RAI1: variants seen among roughly 807,000 people sequenced by gnomAD.
RAI1 encodes retinoic acid-induced protein 1.
RAI1 carries 9 observed loss-of-function variants against 123.8 expected under a neutral mutation model. That is an observed-to-expected ratio of 0.07 (90% CI 0.04 to 0.13). The LOEUF (loss-of-function observed/expected upper bound fraction) is 0.13, where lower values mean the gene tolerates loss of function less well. Among genes scored for constraint, RAI1 ranks in the 10% least tolerant of loss-of-function variants. The pLI, the probability that RAI1 is intolerant of heterozygous loss-of-function variation, is 1.00. For missense variants in RAI1, 2,256 were observed against 2,545.8 expected, an observed-to-expected ratio of 0.89 and a Z score of 2.45; for synonymous variants, 1,231 against 1,127.3, an observed-to-expected ratio of 1.09 and a Z score of -1.84.
Position 17,799,803 on chromosome 17 carries a change from T to C in RAI1, c.5565+1290T>C, listed in dbSNP as rs2032392998. On this transcript the variant is annotated intron_variant, in intron 3 of 5. Coordinates refer to ENST00000353383, the MANE Select transcript of RAI1 (RefSeq NM_030665.4). This position sits in a 1 kb window ranked among gnomAD's most constrained non-coding sequence, Gnocchi z 4.5. ...CCAGCCTCCTCCCCCGTCGCTGCAC[T>C]GCCCACCTGCTCCTCGCAGTACACC... Among the ~76,000 whole-genome samples, 1 of 149,100 alleles carries C rather than the reference T, an allele frequency of 6.7e-6. No individual in the cohort carries two copies. Among genetic ancestry groups the C allele is most frequent in the Non-Finnish European group, 1.5e-5 (1 of 67,408 alleles).
rs141135074 is a variant in RAI1 at position 17,805,884 on chromosome 17, C to G, written c.5659+2035C>G. ...CTTCCACAGTGATTAACTTAGCGCC[C>G]GCTCCACTCCCAGCCCTGCTACAGA... On this transcript the variant is annotated intron_variant, in intron 4 of 5. Transcript: ENST00000353383. Among the ~76,000 whole-genome samples, 32 of 152,094 alleles carry G rather than the reference C, an allele frequency of 2.1e-4. No individual in the cohort carries two copies. In the East Asian group the frequency reaches 6.4e-3, roughly 31 times the overall value.
chr17:17,701,280 C>T (rs1213011810), intron 1 of RAI1, among the ~76,000 whole-genome samples: 1 of 152,168 alleles, frequency 6.6e-6, no homozygotes, highest in Non-Finnish European at 1.5e-5. Context: ...CTGGGGATGG[C>T]CCTGGGGTTG....
chr17:17,737,549 G>A (rs779995178), intron 2 of RAI1, among the ~76,000 whole-genome samples: 8 of 152,320 alleles, frequency 5.3e-5, no homozygotes, highest in Admixed American at 3.9e-4. Flanking sequence ...CACAGGGATA[G>A]GCAGTGACTG....
intron 2 of RAI1, among the ~76,000 whole-genome samples, chr17:17,739,277 G>A (rs571086444): frequency 6.6e-6 from 1 of 152,164 alleles, no homozygotes; most frequent in Admixed American, 6.5e-5. Context: ...TCTTGGTGGA[G>A]GTGTGGCTAT....
At chr17:17,696,225 T>G (rs1915026999) in intron 1 of RAI1, among the ~76,000 whole-genome samples, 1 of 152,226 alleles carries the variant, frequency 6.6e-6, no homozygotes, top group East Asian at 1.9e-4. Context: ...TTATGATACA[T>G]CTACGGAGTC....
chr17:17,717,867 G>C lies in RAI1; in HGVS notation c.-148-6161G>C, dbSNP rs115886943. On this transcript the variant is annotated intron_variant, in intron 1 of 5. Transcript: ENST00000353383. ...TCCTGGAGCCCATGTCCAGTGAAGG[G>C]TCCACAGCAGGGGTCAAGGGGGGCT... 4.8e-3 allele frequency among the ~76,000 whole-genome samples: 735 copies of C among 152,294 alleles called. 6 individuals are homozygous for C. The highest frequency in any genetic ancestry group is 0.017 in the African/African-American group (687 of 41,554).
At chr17:17,781,757 G>A (rs899981113) in intron 2 of RAI1, among the ~76,000 whole-genome samples, 6 of 152,230 alleles carry the variant, frequency 3.9e-5, no homozygotes, top group African/African-American at 1.4e-4. Flanking sequence ...CGGCCAGCCC[G>A]CTGCTGTTTA....
At chr17:17,707,049 C>T (rs1817872115) in intron 1 of RAI1, among the ~76,000 whole-genome samples, 1 of 152,220 alleles carries the variant, frequency 6.6e-6, no homozygotes, top group African/African-American at 2.4e-5. Flanking sequence ...GGGGCATGCT[C>T]CTTAGTCCTA....
At chr17:17,727,378 G>A (rs1180260266) in intron 2 of RAI1, among the ~76,000 whole-genome samples, 3 of 152,208 alleles carry the variant, frequency 2.0e-5, no homozygotes, top group African/African-American at 4.8e-5. Context: ...GTTGGTTTTC[G>A]CATCTGAAAA....
At chr17:17,758,187 G>A (rs886315929) in intron 2 of RAI1, among the ~76,000 whole-genome samples, 10 of 152,132 alleles carry the variant, frequency 6.6e-5, no homozygotes, top group African/African-American at 1.9e-4. Context: ...CTGCTCCAGC[G>A]GCCGCATCCC....
At chr17:17,808,870 TGCAACACC>T (rs1265769931) in intron 4 of RAI1, among the ~76,000 whole-genome samples, 2 of 152,162 alleles carry the variant, frequency 1.3e-5, no homozygotes, top group African/African-American at 4.8e-5. Flanking sequence ...AATCCAGGCT[TGCAACACC>T]ACTACCAGTC....
chr17:17,721,834 T>G (rs1157997655), intron 1 of RAI1, among the ~76,000 whole-genome samples: 1 of 152,186 alleles, frequency 6.6e-6, no homozygotes, highest in Non-Finnish European at 1.5e-5. Flanking sequence ...GGGGCGGGGC[T>G]GCCCAGGACC....
intron 2 of RAI1, among the ~76,000 whole-genome samples, chr17:17,775,524 C>T (rs1208915167): frequency 6.6e-6 from 1 of 152,182 alleles, no homozygotes; most frequent in Non-Finnish European, 1.5e-5. Flanking sequence ...CTTTCGACTC[C>T]CCAGTCAATT....
At chr17:17,710,065 CGCCTA>C (rs902875517) in intron 1 of RAI1, among the ~76,000 whole-genome samples, 9 of 152,206 alleles carry the variant, frequency 5.9e-5, no homozygotes, top group Non-Finnish European at 1.3e-4. Flanking sequence ...CTGCACCACT[CGCCTA>C]GCCCCGGCCA....
intron 1 of RAI1, among the ~76,000 whole-genome samples, chr17:17,699,636 G>T (rs572353794): frequency 6.8e-5 from 10 of 146,100 alleles, no homozygotes; most frequent in African/African-American, 9.9e-5. Flanking sequence ...GGCCGGGGGG[G>T]GGGGAATCAA....
At chr17:17,700,470 CTTCTCG>C (rs1201088520) in intron 1 of RAI1, among the ~76,000 whole-genome samples, 2 of 151,998 alleles carry the variant, frequency 1.3e-5, no homozygotes, top group Non-Finnish European at 2.9e-5. Context: ...ATCAAAGCGT[CTTCTCG>C]TTCTTATGCT....
chr17:17,690,014 G>A (rs910689283), intron 1 of RAI1, among the ~76,000 whole-genome samples: 3 of 152,066 alleles, frequency 2.0e-5, no homozygotes, highest in South Asian at 2.1e-4. Flanking sequence ...GCCTGATGCT[G>A]GGGAGGTCCT....
chr17:17,720,262 G>A (rs1282425973), intron 1 of RAI1, among the ~76,000 whole-genome samples: 1 of 152,212 alleles, frequency 6.6e-6, no homozygotes, highest in Non-Finnish European at 1.5e-5. Context: ...AAACAAAAGG[G>A]CTGACATGTC....
At chr17:17,742,419 A>ATGAATGAATGAATGAATGAATGAACGAG (rs1916670904) in intron 2 of RAI1, among the ~76,000 whole-genome samples, 2 of 151,974 alleles carry the variant, frequency 1.3e-5, no homozygotes, top group African/African-American at 2.4e-5. Context: ...CTTGGTTTGA[A>ATGAATGAATGAATGAATGAATGAACGAG]TGAATGAATG....
Sources: allele counts gnomAD v4.1 joint callset (sites outside exome capture counted in the v4.1 genomes callset), GRCh38; gene constraint gnomAD v4.1.1; non-coding constraint Gnocchi (gnomAD v3.1); transcripts MANE v1.5; gene names NCBI Gene and HGNC (gene_info 2026-07-23, HGNC 2026-07-21).